Variants in TMEM114 observed in about 807,000 individuals in gnomAD.
The protein encoded by TMEM114 is claudin-26.
TMEM114 carries 6 observed loss-of-function variants against 6.2 expected under a neutral mutation model. That is an observed-to-expected ratio of 0.97 (90% CI 0.53 to 1.91). TMEM114 has a LOEUF of 1.91. TMEM114 is among the 40% of genes most tolerant of loss of function. TMEM114 has a pLI of 0.01. For missense variants in TMEM114, 218 were observed against 158.3 expected (o/e 1.38, Z -2.02); for synonymous variants, 104 against 73.0 (o/e 1.42, Z -2.16).
At chr16:8,558,801 C>T (rs931814910) in intron 2 of TMEM114, among the ~76,000 whole-genome samples, 3 of 151,698 alleles carry the variant, frequency 2.0e-5, no homozygotes, top group African/African-American at 7.3e-5. Context: ...AGTGCAATGG[C>T]ATGATCTCGG....
chr16:8,556,275 G>A (rs1484670577), intron 2 of TMEM114, among the ~76,000 whole-genome samples: 1 of 152,124 alleles, frequency 6.6e-6, no homozygotes, highest in Non-Finnish European at 1.5e-5. Context: ...CGCTGCTCCA[G>A]CCCATCACTC....
intron 2 of TMEM114, among the ~76,000 whole-genome samples, chr16:8,588,499 G>A (rs2141704907): frequency 6.6e-6 from 1 of 152,250 alleles, no homozygotes; most frequent in East Asian, 1.9e-4. Flanking sequence ...CTTATCTCAA[G>A]CCTCAATGAA....
chr16:8,577,856 A>C (rs1293240480), intron 2 of TMEM114, among the ~76,000 whole-genome samples: 1 of 152,044 alleles, frequency 6.6e-6, no homozygotes, highest in Non-Finnish European at 1.5e-5. Flanking sequence ...CAAAGTGCGG[A>C]GATTACAGGC....
At chr16:8,546,961 A>G (rs969181590) in intron 2 of TMEM114, among the ~76,000 whole-genome samples, 1 of 152,220 alleles carries the variant, frequency 6.6e-6, no homozygotes, top group African/African-American at 2.4e-5. Context: ...GACAGGGGAA[A>G]GCCACAGCCA....
chr16:8,538,757 C>T (rs550846645), intron 2 of TMEM114, among the ~76,000 whole-genome samples: 66 of 152,184 alleles, frequency 4.3e-4, no homozygotes, highest in Admixed American at 1.8e-3. Context: ...CCGCCCACCT[C>T]GGCCTCCCAA....
chr16:8,551,625 A>C (rs796994386), intron 2 of TMEM114, among the ~76,000 whole-genome samples: 6 of 152,360 alleles, frequency 3.9e-5, no homozygotes, highest in African/African-American at 1.4e-4. Context: ...TTGACAAGAA[A>C]CATTGACTTT....
chr16:8,554,354 A>G (rs34481786), intron 2 of TMEM114, among the ~76,000 whole-genome samples: 63,538 of 151,672 alleles, frequency 0.42, 13,712 homozygotes, highest in East Asian at 0.52. Context: ...CCAGGAGTTC[A>G]AGACTGCAGT....
intron 2 of TMEM114, among the ~76,000 whole-genome samples, chr16:8,582,877 C>T (rs1431391590): frequency 1.3e-5 from 2 of 151,580 alleles, no homozygotes; most frequent in African/African-American, 4.9e-5. Flanking sequence ...CCAGCCTGGG[C>T]AACAGAGTGA....
the TMEM114 span, among the ~76,000 whole-genome samples, chr16:8,532,383 C>T: frequency 6.6e-6 from 1 of 152,142 alleles, no homozygotes; most frequent in Non-Finnish European, 1.5e-5. Context: ...TCTCTAAAAA[C>T]TCTTTCAACA....
At chr16:8,536,281 C>T (rs991701743), downstream of TMEM114, among the ~76,000 whole-genome samples, 7 of 151,690 alleles carry the variant, frequency 4.6e-5, no homozygotes, top group African/African-American at 1.5e-4. Context: ...ACTCTTTCAT[C>T]TCTAACAACC....
intron 2 of TMEM114, among the ~76,000 whole-genome samples, chr16:8,561,891 AAT>A (rs1327271449): frequency 1.7e-4 from 25 of 151,106 alleles, no homozygotes; most frequent in East Asian, 9.8e-4. Context: ...TGAGTGAGTG[AAT>A]GAGTAAATGA....
chr16:8,550,886 C>T (rs1477023669), intron 2 of TMEM114, among the ~76,000 whole-genome samples: 2 of 152,152 alleles, frequency 1.3e-5, no homozygotes, highest in African/African-American at 4.8e-5. Flanking sequence ...CACTGCTCTC[C>T]TCCTGAGAGA....
chr16:8,554,560 G>C (rs1011364162), intron 2 of TMEM114, among the ~76,000 whole-genome samples: 1 of 152,142 alleles, frequency 6.6e-6, no homozygotes, highest in African/African-American at 2.4e-5. Context: ...GCTTTCTGTG[G>C]GGTTGGCTCT....
At chr16:8,528,671 C>A in the TMEM114 span, among the ~76,000 whole-genome samples, 4 of 152,204 alleles carry the variant, frequency 2.6e-5, no homozygotes, top group East Asian at 7.7e-4. Context: ...TCTGCATTGT[C>A]AGCTTTCAAC....
exon 3 of TMEM114, chr16:8,537,796 C>A (rs979843020): frequency 6.6e-6 from 1 of 152,118 alleles, no homozygotes; most frequent in East Asian, 1.9e-4. Context: ...AATAATTCAC[C>A]ATTGACATCC....
chr16:8,569,493 C>G (rs1901649365), downstream of TMEM114: 1 of 1,347,714 alleles, frequency 7.4e-7, no homozygotes, highest in Non-Finnish European at 9.6e-7. Context: ...ATCTGTAAAG[C>G]TCTGTGTGTG....
chr16:8,537,374 GC>G (rs1900391235), downstream of TMEM114, among the ~76,000 whole-genome samples: 1 of 151,802 alleles, frequency 6.6e-6, no homozygotes, highest in Non-Finnish European at 1.5e-5. Flanking sequence ...GATGGCACAC[GC>G]CTGTAGTCCC....
At chr16:8,530,287 A>C in the TMEM114 span, among the ~76,000 whole-genome samples, 1 of 152,090 alleles carries the variant, frequency 6.6e-6, no homozygotes, top group Admixed American at 6.6e-5. Flanking sequence ...AAGTCAATTG[A>C]GGGGGTGAGT....
At chr16:8,536,764 A>C (rs773323090), downstream of TMEM114, among the ~76,000 whole-genome samples, 3 of 152,040 alleles carry the variant, frequency 2.0e-5, no homozygotes, top group Non-Finnish European at 4.4e-5. Context: ...CTCCCAGTTG[A>C]GGCACTGGGA....
Sources: gnomAD v4.1 joint callset for allele counts (sites outside exome capture counted in the v4.1 genomes callset) on GRCh38, gnomAD v4.1.1 for gene constraint, MANE v1.5 for transcripts, NCBI Gene and HGNC (gene_info 2026-07-23, HGNC 2026-07-21) for gene names.